The following DPY19L4 variants were observed in gnomAD, a reference collection of about 807,000 sequenced individuals.
DPY19L4 encodes probable C-mannosyltransferase DPY19L4.
DPY19L4 carries 97 observed loss-of-function variants against 102.8 expected under a neutral mutation model. The ratio of observed to expected loss-of-function variants is 0.94; its 90% CI spans 0.80 to 1.12. The LOEUF is 1.12. Ranked by LOEUF, DPY19L4 falls within the 50% of genes most tolerant of loss-of-function variation. The probability of loss-of-function intolerance (pLI) is 0.00; values close to 1 mark genes in which losing one functional copy is unlikely to be tolerated. For synonymous variants in DPY19L4, 252 were observed against 283.1 expected (o/e 0.89, Z 1.10); for missense variants, 815 against 850.4 (o/e 0.96, Z 0.52).
chr8:94,726,316 C>G lies in DPY19L4; in HGVS notation c.17-15C>G. On this transcript the variant is annotated splice_polypyrimidine_tract_variant and intron_variant, in intron 1 of 18. Coordinates refer to ENST00000414645, the MANE Select transcript of DPY19L4 (RefSeq NM_181787.3). ...TTTTATACACACATTGCAATAATGTCTTAAATATTTTAAGGACCACCTGTA... is the reference window on the plus strand; with the variant it reads ...TTTTATACACACATTGCAATAATGTGTTAAATATTTTAAGGACCACCTGTA... 2 of 1,584,588 alleles carry G rather than the reference C, an allele frequency of 1.3e-6. No individual in the cohort carries two copies. Among genetic ancestry groups the G allele is most frequent in the Non-Finnish European group, 1.7e-6 (2 of 1,170,436 alleles).
At chr8:94,725,159 CTTCT>C (rs1431059445) in intron 1 of DPY19L4, among the ~76,000 whole-genome samples, 1 of 152,102 alleles carries the variant, frequency 6.6e-6, no homozygotes, top group Non-Finnish European at 1.5e-5. Flanking sequence ...TTCATTTCTC[CTTCT>C]TTGACTTTTA....
chr8:94,767,717 G>T (rs1812741248), intron 11 of DPY19L4, among the ~76,000 whole-genome samples: 1 of 151,908 alleles, frequency 6.6e-6, no homozygotes, highest in South Asian at 2.1e-4. Context: ...TTTTAAAATG[G>T]GTCCTAGTTG....
intron 11 of DPY19L4, among the ~76,000 whole-genome samples, chr8:94,766,919 A>T (rs77005896): frequency 0.026 from 3,932 of 151,900 alleles, 169 homozygotes; most frequent in African/African-American, 0.09. Context: ...AAACAAAAAA[A>T]ATTAGCTGGG....
chr8:94,780,347 T>C lies in DPY19L4; in HGVS notation c.1576-12T>C. The C allele has an allele frequency of 2.1e-6, 3 of 1,461,634 alleles. No individual in the cohort carries two copies. The highest frequency in any genetic ancestry group is 2.8e-6 in the Non-Finnish European group (3 of 1,089,880). 90.5% of individuals were successfully genotyped at this position (1,461,634 alleles called of 1,614,324 possible). ...GTATTTATTTGTAATCCTTTTTGCT[T>C]TAATATTTTAGGCTCTTATTCTGAG... On this transcript the variant is annotated splice_polypyrimidine_tract_variant and intron_variant, in intron 14 of 18. Coordinates refer to ENST00000414645, the MANE Select transcript of DPY19L4 (RefSeq NM_181787.3).
intron 6 of DPY19L4, among the ~76,000 whole-genome samples, chr8:94,753,006 T>C (rs1258495521): frequency 7.0e-6 from 1 of 143,342 alleles, no homozygotes; most frequent in African/African-American, 2.8e-5. Context: ...CAGTATCTTC[T>C]GCAAAAAAAA....
rs1811114505 is a variant in DPY19L4 at position 94,734,614 on chromosome 8, T to C, written c.128-16T>C. ...GTACATATTACCTTTTCATTACTTT[T>C]AATATACTTTTTCAGATGTATTATT... On this transcript the variant is annotated splice_polypyrimidine_tract_variant and intron_variant, in intron 2 of 18. Transcript: ENST00000414645. 4 of 1,605,636 alleles carry C rather than the reference T, an allele frequency of 2.5e-6. No individual in the cohort carries two copies. The highest frequency in any genetic ancestry group is 3.4e-6 in the Non-Finnish European group (4 of 1,174,960).
chr8:94,757,459 G>C (rs1227759077), intron 7 of DPY19L4, among the ~76,000 whole-genome samples: 1 of 151,980 alleles, frequency 6.6e-6, no homozygotes, highest in East Asian at 1.9e-4. Flanking sequence ...GCCCAGGCTG[G>C]AGTGTGATGG....
chr8:94,748,195 A>G (rs1212503062), intron 6 of DPY19L4, among the ~76,000 whole-genome samples: 2 of 152,184 alleles, frequency 1.3e-5, no homozygotes, highest in Non-Finnish European at 2.9e-5. Context: ...AATGGCTGGC[A>G]GAGATCCTAC....
At chr8:94,772,551 C>T (rs1322766420) in intron 13 of DPY19L4, among the ~76,000 whole-genome samples, 1 of 152,220 alleles carries the variant, frequency 6.6e-6, no homozygotes, top group Admixed American at 6.5e-5. Context: ...ACCTGTTTTC[C>T]TCTCAGAAAC....
rs1813901610 is a variant in DPY19L4 at position 94,791,996 on chromosome 8, G to A, written c.*2086G>A. ...TAATAGTACTAGACAACTTTAAGTG[G>A]AAAGCATTTAGTTTATTTCTTCACT... On this transcript the variant is annotated 3_prime_UTR_variant, in exon 19 of 19. Transcript: ENST00000414645. 6.6e-6 allele frequency: 1 copy of A among 152,080 alleles called. No individual in the cohort carries two copies. The highest frequency in any genetic ancestry group is 2.1e-4 in the South Asian group (1 of 4,822). The allele number at this position is 152,080 out of a possible 1,614,324, so 9.4% of individuals were successfully genotyped here.
At chr8:94,744,345 CA>C (rs1193106641) in intron 6 of DPY19L4, 1 of 456,614 alleles carries the variant, frequency 2.2e-6, no homozygotes, top group Non-Finnish European at 4.4e-6. Context: ...CTCCATAGGG[CA>C]GCATGCAACT....
intron 13 of DPY19L4, among the ~76,000 whole-genome samples, chr8:94,775,055 A>C (rs1185889654): frequency 6.6e-6 from 1 of 152,188 alleles, no homozygotes; most frequent in African/African-American, 2.4e-5. Flanking sequence ...TTCACTGTGG[A>C]TACAAGGGGT....
intron 2 of DPY19L4, among the ~76,000 whole-genome samples, chr8:94,730,246 G>A (rs913825025): frequency 6.6e-6 from 1 of 152,082 alleles, no homozygotes; most frequent in South Asian, 2.1e-4. Context: ...AGGGACTGGG[G>A]CACATAGAAG....
chr8:94,725,192 A>G lies in DPY19L4; in HGVS notation c.17-1139A>G, dbSNP rs193177020. Among the ~76,000 whole-genome samples the G allele has an allele frequency of 2.2e-4, 33 of 152,354 alleles. No individual in the cohort carries two copies. In the East Asian group the frequency reaches 5.4e-3, roughly 25 times the overall value. ...ACTTTTATGTTTATTTTCACATTTC[A>G]TAGCCTGAAGTTATTACTAAGAGAA... On this transcript the variant is annotated intron_variant, in intron 1 of 18. Transcript: ENST00000414645.
intron 6 of DPY19L4, among the ~76,000 whole-genome samples, chr8:94,742,819 A>T (rs1228803066): frequency 1.3e-5 from 2 of 151,866 alleles, no homozygotes; most frequent in Non-Finnish European, 2.9e-5. Flanking sequence ...CAGCCTCCCA[A>T]AGTGCTGGGA....
At chr8:94,725,770 G>A (rs1810660834) in intron 1 of DPY19L4, among the ~76,000 whole-genome samples, 1 of 152,064 alleles carries the variant, frequency 6.6e-6, no homozygotes, top group Non-Finnish European at 1.5e-5. Flanking sequence ...CAAGTAGCTG[G>A]GACTACAGGC....
chr8:94,762,209 A>G (rs1812422221), intron 8 of DPY19L4, among the ~76,000 whole-genome samples: 1 of 152,226 alleles, frequency 6.6e-6, no homozygotes, highest in African/African-American at 2.4e-5. Context: ...TTCAGAAATG[A>G]GACCCAGGCG....
chr8:94,746,823 C>T (rs1203748968), intron 6 of DPY19L4, among the ~76,000 whole-genome samples: 1 of 151,982 alleles, frequency 6.6e-6, no homozygotes, highest in East Asian at 1.9e-4. Context: ...AAATTGTAAA[C>T]CCTCAGTGTA....
intron 6 of DPY19L4, among the ~76,000 whole-genome samples, chr8:94,746,506 G>A (rs956273443): frequency 5.9e-5 from 9 of 152,210 alleles, no homozygotes; most frequent in Non-Finnish European, 1.0e-4. Context: ...TATTGACATT[G>A]TACAGGTGGT....
Sources: allele counts gnomAD v4.1 joint callset (sites outside exome capture counted in the v4.1 genomes callset), GRCh38; gene constraint gnomAD v4.1.1; transcripts MANE v1.5; gene names NCBI Gene and HGNC (gene_info 2026-07-23, HGNC 2026-07-21).